The following KIFAP3 variants were observed in gnomAD, a reference collection of about 807,000 sequenced individuals.
KIFAP3 encodes kinesin-associated protein 3.
Under a neutral mutation model 106.5 loss-of-function variants are expected in KIFAP3, and 68 were observed. The ratio of observed to expected loss-of-function variants is 0.64; its 90% CI spans 0.53 to 0.78. The LOEUF is 0.78. Among genes scored for constraint, KIFAP3 ranks in the 30% least tolerant of loss-of-function variants. KIFAP3 has a pLI of 0.00. For missense variants in KIFAP3, 780 were observed against 941.8 expected, an observed-to-expected ratio of 0.83 and a Z score of 2.25; for synonymous variants, 320 against 311.5, an observed-to-expected ratio of 1.03 and a Z score of -0.29.
chr1:169,923,521 G>A (rs1381606179), intron 19 of KIFAP3, among the ~76,000 whole-genome samples: 5 of 152,056 alleles, frequency 3.3e-5, no homozygotes, highest in Non-Finnish European at 7.4e-5. Context: ...TTCATCTTTT[G>A]CTTATTACCT....
intron 10 of KIFAP3, among the ~76,000 whole-genome samples, chr1:169,999,768 A>G (rs1405972419): frequency 6.6e-6 from 1 of 152,106 alleles, no homozygotes; most frequent in Non-Finnish European, 1.5e-5. Context: ...ATTCCCCTCA[A>G]ATTGGTCATT....
intron 2 of KIFAP3, among the ~76,000 whole-genome samples, chr1:170,051,221 A>G (rs940204509): frequency 2.0e-5 from 3 of 152,150 alleles, no homozygotes; most frequent in Admixed American, 6.5e-5. Context: ...TTAAACCAAC[A>G]AAGATCAAAA....
intron 2 of KIFAP3, among the ~76,000 whole-genome samples, chr1:170,050,960 C>T (rs572293537): frequency 6.6e-6 from 1 of 152,196 alleles, no homozygotes; most frequent in East Asian, 1.9e-4. Flanking sequence ...CAGCTACCAG[C>T]ATGATGACAG....
At chr1:170,014,742 C>T (rs927940388) in intron 10 of KIFAP3, among the ~76,000 whole-genome samples, 4 of 151,940 alleles carry the variant, frequency 2.6e-5, no homozygotes, top group South Asian at 2.1e-4. Context: ...ACACGAGAAA[C>T]GTATTTGTAC....
chr1:170,007,574 A>C (rs1222053626), intron 10 of KIFAP3, among the ~76,000 whole-genome samples: 19 of 152,102 alleles, frequency 1.2e-4, no homozygotes, highest in African/African-American at 4.1e-4. Flanking sequence ...GATGTGAAGG[A>C]CCTCTTCAAG....
At chr1:170,035,398 A>G in intron 6 of KIFAP3, 56 bp downstream of exon 6, 1 of 1,072,130 alleles carries the variant, frequency 9.3e-7, no homozygotes, top group Non-Finnish European at 1.4e-6. Flanking sequence ...TCAATGACAC[A>G]GACAAAGAGC....
At chr1:170,020,362 CA>C (rs1668747001) in intron 9 of KIFAP3, among the ~76,000 whole-genome samples, 1 of 152,156 alleles carries the variant, frequency 6.6e-6, no homozygotes, top group African/African-American at 2.4e-5. Flanking sequence ...CTATAGTAAT[CA>C]AGAGAAAGAG....
At chr1:170,013,743 T>C (rs1213065771) in intron 10 of KIFAP3, among the ~76,000 whole-genome samples, 2 of 152,154 alleles carry the variant, frequency 1.3e-5, no homozygotes, top group Non-Finnish European at 2.9e-5. Flanking sequence ...ATCAATTTTC[T>C]TGCTCATCAA....
intron 19 of KIFAP3, among the ~76,000 whole-genome samples, chr1:169,938,524 A>C (rs1160862728): frequency 6.6e-6 from 1 of 152,162 alleles, no homozygotes; most frequent in African/African-American, 2.4e-5. Flanking sequence ...TTGAAAATGA[A>C]ACAGCATGGG....
At chr1:170,070,583 G>C (rs1184568194) in intron 1 of KIFAP3, among the ~76,000 whole-genome samples, 2 of 151,994 alleles carry the variant, frequency 1.3e-5, no homozygotes, top group South Asian at 4.1e-4. Flanking sequence ...CATTTGTTCT[G>C]ACAAATGATG....
chr1:170,077,068 A>G (rs1337876252), upstream of KIFAP3, among the ~76,000 whole-genome samples: 1 of 152,136 alleles, frequency 6.6e-6, no homozygotes, highest in Non-Finnish European at 1.5e-5. Context: ...CACTCTGTAC[A>G]AACGCACCAA....
chr1:169,986,333 A>G (rs1666827691), intron 11 of KIFAP3, among the ~76,000 whole-genome samples: 1 of 151,926 alleles, frequency 6.6e-6, no homozygotes. Flanking sequence ...AAAACACAAT[A>G]CCACTCAAAT....
chr1:170,049,018 A>G (rs2102096833), intron 2 of KIFAP3, among the ~76,000 whole-genome samples: 1 of 152,354 alleles, frequency 6.6e-6, no homozygotes, highest in South Asian at 2.1e-4. Context: ...CAAGGAGCCA[A>G]GTGGTCTCAC....
intron 2 of KIFAP3, among the ~76,000 whole-genome samples, chr1:170,054,544 G>A (rs1670742852): frequency 6.6e-6 from 1 of 152,076 alleles, no homozygotes; most frequent in African/African-American, 2.4e-5. Context: ...CAATAGCAAA[G>A]ACTTGGAACC....
chr1:170,059,605 C>A, intron 1 of KIFAP3, among the ~76,000 whole-genome samples: 1 of 152,142 alleles, frequency 6.6e-6, no homozygotes, highest in Non-Finnish European at 1.5e-5. Flanking sequence ...GAACTGGTAC[C>A]ATTCCTTCTG....
At chr1:170,059,069 A>G (rs1670997990) in intron 1 of KIFAP3, among the ~76,000 whole-genome samples, 1 of 152,228 alleles carries the variant, frequency 6.6e-6, no homozygotes, top group South Asian at 2.1e-4. Context: ...AGTAAGCAGG[A>G]AAGATCTAAA....
At chr1:170,071,471 G>T (rs1388487404) in intron 1 of KIFAP3, among the ~76,000 whole-genome samples, 1 of 152,182 alleles carries the variant, frequency 6.6e-6, no homozygotes, top group Non-Finnish European at 1.5e-5. Context: ...GGTTTATTTA[G>T]CTTACAGTTC....
Position 169,983,296 on chromosome 1 carries a change from C to A in KIFAP3, c.1480G>T (p.Asp494Tyr). 6.2e-7 allele frequency: 1 copy of A among 1,606,616 alleles called. No individual in the cohort carries two copies. The highest frequency in any genetic ancestry group is 2.2e-5 in the East Asian group (1 of 44,574). ...ATAAACAGATTTTTAGTTGGTCCATCATGCTGAGAAATGTTTCTAATCATT... is the reference window on the plus strand; with the variant it reads ...ATAAACAGATTTTTAGTTGGTCCATAATGCTGAGAAATGTTTCTAATCATT... ...MKMIRNISQHDGPTKNLFIDY... is the reference protein window; with the variant it reads ...MKMIRNISQHYGPTKNLFIDY... Residue 494 changes from aspartate to tyrosine, a missense_variant, in exon 13 of 20, where the codon GAT becomes TAT. This residue lies in a region of KIFAP3 where 588 missense variants were observed against 678.9 expected (regional missense o/e 0.87). Coordinates refer to ENST00000361580, the MANE Select transcript of KIFAP3 (RefSeq NM_014970.4).
intron 10 of KIFAP3, among the ~76,000 whole-genome samples, chr1:169,995,683 G>T (rs73035095): frequency 0.011 from 1,730 of 152,182 alleles, 29 homozygotes; most frequent in African/African-American, 0.039. Context: ...TACTCTAGGA[G>T]AATCTGTCTG....
Sources: allele counts gnomAD v4.1 joint callset (sites outside exome capture counted in the v4.1 genomes callset), GRCh38; gene constraint gnomAD v4.1.1; regional missense constraint gnomAD v4.1.1; transcripts MANE v1.5; gene names NCBI Gene and HGNC (gene_info 2026-07-23, HGNC 2026-07-21).